Variants in HERC3 observed in about 807,000 individuals in gnomAD.
The protein encoded by HERC3 is probable E3 ubiquitin-protein ligase HERC3.
A neutral mutation model predicts 129.9 loss-of-function variants in HERC3; 58 were observed. The observed-to-expected ratio is 0.45, with a 90% CI of 0.36 to 0.56. The LOEUF (loss-of-function observed/expected upper bound fraction) is 0.56. HERC3 is among the 20% of genes least tolerant of loss of function. The probability of loss-of-function intolerance (pLI) is 0.00; values close to 1 mark genes in which losing one functional copy is unlikely to be tolerated. For synonymous variants in HERC3, 430 were observed against 451.0 expected (o/e 0.95, Z 0.59); for missense variants, 835 against 1,244.2 (o/e 0.67, Z 4.95).
chr4:88,531,950 C>T, the HERC3 span, among the ~76,000 whole-genome samples: 1 of 152,124 alleles, frequency 6.6e-6, no homozygotes, highest in African/African-American at 2.4e-5. Flanking sequence ...ACCAAAACTC[C>T]AGAAGCAGCC....
At chr4:88,698,998 G>C (rs868372381) in intron 23 of HERC3, among the ~76,000 whole-genome samples, 2 of 74,984 alleles carry the variant, frequency 2.7e-5, no homozygotes, top group Non-Finnish European at 4.7e-5. Flanking sequence ...TTTTCCTCAC[G>C]CTCCTCACCC....
chr4:88,656,135 G>T lies in HERC3; in HGVS notation c.1069+100G>T, dbSNP rs926677006. 2.6e-6 allele frequency: 3 copies of T among 1,139,904 alleles called. No homozygotes were observed. In the African/African-American group the frequency reaches 4.7e-5, roughly 18 times the overall value. The allele number at this position is 1,139,904 out of a possible 1,614,324, so 70.6% of individuals were successfully genotyped here. A position where few individuals can be genotyped will look rare whatever the true frequency, so the allele number is the denominator to read the frequency against. ...TACTTACTTTGAGGTCTTTTGGAGG[G>T]AATGAAGATAAGGTATTTTTTAACA... On this transcript the variant is annotated intron_variant, in intron 9 of 25. Coordinates refer to ENST00000402738, the MANE Select transcript of HERC3 (RefSeq NM_014606.3).
chr4:88,527,832 G>A, the HERC3 span: 3 of 326,300 alleles, frequency 9.2e-6, no homozygotes, highest in Non-Finnish European at 1.8e-5. Flanking sequence ...TTTACGAACG[G>A]AAGCTGAATG....
chr4:88,686,911 C>T (rs1285245515), intron 22 of HERC3, 109 bp downstream of exon 22: 2 of 849,416 alleles, frequency 2.4e-6, no homozygotes, highest in East Asian at 5.2e-5. Context: ...TCAGAGACTT[C>T]TTTGAATCAA....
At position 88,708,324 on chromosome 4, in the gene HERC3, A is replaced by C. The variant is rs1442105984; in HGVS notation, c.*1364A>C. ...CTTATTTATATAAAATGAAGTATTT[A>C]TGAACTGTGATAAAGCATCAAATCT... On this transcript the variant is annotated 3_prime_UTR_variant, in exon 26 of 26. Coordinates refer to ENST00000402738, the MANE Select transcript of HERC3 (RefSeq NM_014606.3). 2 of 152,626 alleles carry C rather than the reference A, an allele frequency of 1.3e-5. No homozygotes were observed. The highest frequency in any genetic ancestry group is 2.9e-5 in the Non-Finnish European group (2 of 68,026). The allele number at this position is 152,626 out of a possible 1,614,324, so 9.5% of individuals were successfully genotyped here.
At chr4:88,692,826 T>C (rs1487036445) in intron 23 of HERC3, 11 of 899,530 alleles carry the variant, frequency 1.2e-5, no homozygotes, top group Non-Finnish European at 1.5e-5. Context: ...TAGACTGCGC[T>C]CCATGGGTAC....
At chr4:88,551,775 C>A in the HERC3 span, among the ~76,000 whole-genome samples, 1 of 151,760 alleles carries the variant, frequency 6.6e-6, no homozygotes, top group East Asian at 1.9e-4. Context: ...CCAGCCATCC[C>A]ATTACTGGGT....
Position 88,601,784 on chromosome 4 carries a change from C to T in HERC3, c.-29-4011C>T, listed in dbSNP as rs1158007329. ...GAAAAGGATATTCAGGGGCCGGGCG[C>T]GGTGGCTTACGCCTGTAATCCCAGC... is the stretch of plus-strand genomic sequence containing the variant. On this transcript the variant is annotated intron_variant, in intron 2 of 25. Transcript: ENST00000402738. Among the ~76,000 whole-genome samples, 8 of 91,522 alleles carry T rather than the reference C, an allele frequency of 8.7e-5. 1 individual carries two copies. In the East Asian group the frequency reaches 1.3e-3, roughly 14 times the overall value. The allele number at this position is 91,522 out of a possible 152,430, so 60.0% of individuals were successfully genotyped here. A position where few individuals can be genotyped will look rare whatever the true frequency, so the allele number is the denominator to read the frequency against.
the HERC3 span, among the ~76,000 whole-genome samples, chr4:88,526,631 G>C: frequency 6.6e-6 from 1 of 152,112 alleles, no homozygotes; most frequent in Non-Finnish European, 1.5e-5. Context: ...TGACCTCCCA[G>C]ACTCAAGCAA....
intron 6 of HERC3, 59 bp downstream of exon 6, chr4:88,653,149 C>A: frequency 6.6e-7 from 1 of 1,504,486 alleles, no homozygotes; most frequent in Non-Finnish European, 9.2e-7. Flanking sequence ...TTAACACATG[C>A]TTCTTGAGGA....
the HERC3 span, among the ~76,000 whole-genome samples, chr4:88,539,856 G>A: frequency 6.6e-6 from 1 of 152,166 alleles, no homozygotes; most frequent in East Asian, 1.9e-4. Flanking sequence ...CTGACTGTTA[G>A]AAGGAAAAAC....
chr4:88,627,466 G>T (rs1188955129), intron 3 of HERC3, among the ~76,000 whole-genome samples: 1 of 152,074 alleles, frequency 6.6e-6, no homozygotes, highest in Non-Finnish European at 1.5e-5. Context: ...TAGGTTATAT[G>T]CAAATACTGT....
At chr4:88,611,122 C>A (rs1038602771) in intron 3 of HERC3, among the ~76,000 whole-genome samples, 1 of 152,194 alleles carries the variant, frequency 6.6e-6, no homozygotes, top group Non-Finnish European at 1.5e-5. Context: ...CCAGAAATTT[C>A]TGTTGTTGGT....
chr4:88,600,253 G>A (rs1351321194), intron 2 of HERC3, among the ~76,000 whole-genome samples: 2 of 152,170 alleles, frequency 1.3e-5, no homozygotes, highest in African/African-American at 4.8e-5. Context: ...AGTAAACAAA[G>A]AAGGGACTTG....
At chr4:88,538,745 G>A in the HERC3 span, among the ~76,000 whole-genome samples, 11 of 151,930 alleles carry the variant, frequency 7.2e-5, no homozygotes, top group South Asian at 2.1e-4. Context: ...GGGTTTCACC[G>A]TGTTAGCCAG....
At chr4:88,670,460 C>T (rs1165193646) in intron 16 of HERC3, among the ~76,000 whole-genome samples, 1 of 152,140 alleles carries the variant, frequency 6.6e-6, no homozygotes, top group East Asian at 1.9e-4. Context: ...GAATGTTACA[C>T]ATTTTATCAG....
intron 3 of HERC3, among the ~76,000 whole-genome samples, chr4:88,627,053 A>G (rs996265045): frequency 3.6e-4 from 55 of 152,116 alleles, no homozygotes; most frequent in Admixed American, 5.9e-4. Context: ...TTTAAGTATC[A>G]TTTTAACTGT....
At chr4:88,556,793 G>T in the HERC3 span, among the ~76,000 whole-genome samples, 2 of 143,374 alleles carry the variant, frequency 1.4e-5, no homozygotes, top group African/African-American at 5.6e-5. Flanking sequence ...TCCTCTCCAT[G>T]GCACGAAGCC....
the HERC3 span, among the ~76,000 whole-genome samples, chr4:88,528,562 C>G: frequency 6.6e-6 from 1 of 152,096 alleles, no homozygotes; most frequent in Non-Finnish European, 1.5e-5. Flanking sequence ...AGTCTGCTCT[C>G]CAAAGTCAAG....
Sources: gnomAD v4.1 joint callset for allele counts (sites outside exome capture counted in the v4.1 genomes callset) on GRCh38, gnomAD v4.1.1 for gene constraint, MANE v1.5 for transcripts, NCBI Gene and HGNC (gene_info 2026-07-23, HGNC 2026-07-21) for gene names.